ZP2: variants seen among roughly 807,000 people sequenced by gnomAD.
ZP2 encodes zona pellucida glycoprotein 2, also known as zona pellucida sperm-binding protein 2.
Under a neutral mutation model 84.0 loss-of-function variants are expected in ZP2, and 51 were observed. That is an observed-to-expected ratio of 0.61 (90% CI 0.49 to 0.77). ZP2 has a LOEUF of 0.77. Ranked by LOEUF, ZP2 falls within the 30% of genes least tolerant of loss-of-function variation. The pLI, the probability that ZP2 is intolerant of heterozygous loss-of-function variation, is 0.00. For synonymous variants in ZP2, 375 were observed against 330.9 expected (o/e 1.13, Z -1.45); for missense variants, 909 against 911.9 (o/e 1.00, Z 0.04).
At chr16:21,205,616 G>A (rs1460724003) in intron 6 of ZP2, 32 bp from the exon 7 acceptor site, 3 of 1,613,338 alleles carry the variant, frequency 1.9e-6, no homozygotes, top group African/African-American at 1.3e-5. Context: ...TAGAGGGCTG[G>A]TGCTCCCTTA....
In ZP2 at chr16:21,210,175, C is replaced by T; in HGVS notation, c.169G>A (p.Glu57Lys). 1 of 1,614,020 alleles carries T rather than the reference C, an allele frequency of 6.2e-7. No homozygotes were observed. Among genetic ancestry groups the T allele is most frequent in the Non-Finnish European group, 8.5e-7 (1 of 1,179,984 alleles). ...PAFPGTVTCD[E>K]REITVEFPSS... is the part of the protein sequence containing the mutation. ...GGGAACTCCACTGTTATTTCCCTTT[C>T]ATCGCAAGTGACAGTGCCTAAGGAG... Residue 57 changes from glutamate to lysine, a missense_variant, in exon 3 of 19, where the codon GAA becomes AAA. Coordinates refer to ENST00000574091, the MANE Select transcript of ZP2 (RefSeq NM_001376232.1).
intron 9 of ZP2, 32 bp downstream of exon 9, chr16:21,203,998 G>A (rs1463797874): frequency 9.3e-6 from 15 of 1,606,836 alleles, no homozygotes; most frequent in South Asian, 2.2e-5. Flanking sequence ...GTCAGGACCC[G>A]GTGGAGTTCA....
At chr16:21,208,402 T>C (rs534259197) in intron 4 of ZP2, among the ~76,000 whole-genome samples, 1 of 152,344 alleles carries the variant, frequency 6.6e-6, no homozygotes, top group African/African-American at 2.4e-5. Flanking sequence ...GGGGACCAGA[T>C]GACTTACAGT....
At chr16:21,207,031 A>T (rs780358494) in intron 4 of ZP2, 41 bp from the exon 5 acceptor site, 1 of 1,608,834 alleles carries the variant, frequency 6.2e-7, no homozygotes, top group South Asian at 1.1e-5. Context: ...TAAGTACTGT[A>T]CCCCCATGGG....
rs988774145 is a variant in ZP2 at position 21,202,360 on chromosome 16, A to G, written c.1100-69T>C. Reference sequence around the variant, plus strand: ...TGTGATACTGTCATCTCCCAACCTGATATGCTACGAGGGAGAAATTCTAAT... The same window carrying G: ...TGTGATACTGTCATCTCCCAACCTGGTATGCTACGAGGGAGAAATTCTAAT... On this transcript the variant is annotated intron_variant, in intron 10 of 18. Transcript: ENST00000574091. 2.2e-6 allele frequency: 3 copies of G among 1,347,536 alleles called. No individual in the cohort carries two copies. In the African/African-American group the frequency reaches 4.5e-5, roughly 20 times the overall value. The allele number at this position is 1,347,536 out of a possible 1,614,324, so 83.5% of individuals were successfully genotyped here. A position where few individuals can be genotyped will look rare whatever the true frequency, so the allele number is the denominator to read the frequency against.
At chr16:21,208,729 C>G (rs954713123) in intron 4 of ZP2, among the ~76,000 whole-genome samples, 3 of 152,202 alleles carry the variant, frequency 2.0e-5, no homozygotes, top group Non-Finnish European at 4.4e-5. Flanking sequence ...TATTTGCTAG[C>G]ACCAAAATAG....
intron 4 of ZP2, 48 bp from the exon 5 acceptor site, chr16:21,207,038 T>C (rs1567215785): frequency 1.2e-6 from 2 of 1,607,626 alleles, no homozygotes; most frequent in Non-Finnish European, 8.5e-7. Context: ...TGTACCCCCA[T>C]GGGATTCTAG....
intron 9 of ZP2, 61 bp from the exon 10 acceptor site, chr16:21,203,312 G>C (rs1028726356): frequency 8.6e-5 from 138 of 1,600,758 alleles, no homozygotes; most frequent in Non-Finnish European, 1.1e-4. Context: ...CCGTCACAGG[G>C]AGGCAGGAAG....
At chr16:21,211,746 C>T (rs992739121), upstream of ZP2, 4 of 1,480,006 alleles carry the variant, frequency 2.7e-6, no homozygotes, top group Non-Finnish European at 3.6e-6. Context: ...TGCCAGCTGC[C>T]CTGTGGGCCA....
chr16:21,210,045 G>T, intron 3 of ZP2, 64 bp downstream of exon 3: 1 of 1,458,128 alleles, frequency 6.9e-7, no homozygotes, highest in Non-Finnish European at 9.6e-7. Context: ...CCCCAAACAG[G>T]ATTGACCTAA....
chr16:21,211,620 C>A (rs2075521), upstream of ZP2: 716,868 of 1,609,834 alleles, frequency 0.45, 161,700 homozygotes, highest in East Asian at 0.57. Flanking sequence ...AAGCCAGCCG[C>A]ATCCACACCC....
In ZP2 at chr16:21,202,158, A is replaced by G; in HGVS notation, c.1233T>C (p.Ser411=). Residue 411 remains serine (S), a synonymous_variant, in exon 11 of 19, where the codon TCT becomes TCC. Coordinates refer to ENST00000574091, the MANE Select transcript of ZP2 (RefSeq NM_001376232.1). Reference sequence around the variant, plus strand: ...GTATGTGGAACCGTACCAGCCCCTGAGACTGAGCCTCAAAGACAGGCTGGC... The same window carrying G: ...GTATGTGGAACCGTACCAGCCCCTGGGACTGAGCCTCAAAGACAGGCTGGC... ...SSCQPVFEAQ[S]QGLVRFHIPL... 1 of 1,607,064 alleles carries G rather than the reference A, an allele frequency of 6.2e-7. No individual in the cohort carries two copies. Among genetic ancestry groups the G allele is most frequent in the Non-Finnish European group, 8.5e-7 (1 of 1,178,284 alleles).
chr16:21,199,016 G>A (rs530235814), intron 16 of ZP2, among the ~76,000 whole-genome samples, 154 bp from the exon 17 acceptor site: 1 of 152,288 alleles, frequency 6.6e-6, no homozygotes, highest in South Asian at 2.1e-4. Context: ...TACTGTAGAA[G>A]TGGGATGGAT....
chr16:21,203,294 G>A (rs2093234872), intron 9 of ZP2, 43 bp from the exon 10 acceptor site: 1 of 1,607,256 alleles, frequency 6.2e-7, no homozygotes, highest in South Asian at 1.1e-5. Context: ...GTCCGTTGGG[G>A]CCCGGAACCG....
intron 5 of ZP2, 99 bp from the exon 6 acceptor site, chr16:21,205,874 G>T (rs1269201402): frequency 8.6e-7 from 1 of 1,166,342 alleles, no homozygotes; most frequent in Non-Finnish European, 1.3e-6. Context: ...CAAAAGGCCT[G>T]CTGTGGGATG....
At chr16:21,198,081 A>G (rs916954684) in intron 17 of ZP2, 4 of 456,002 alleles carry the variant, frequency 8.8e-6, no homozygotes, top group Non-Finnish European at 1.2e-5. Context: ...CTATACAAGA[A>G]ATTCAAGAGG....
intron 11 of ZP2, 21 bp downstream of exon 11, chr16:21,202,083 G>T: frequency 1.2e-6 from 2 of 1,613,158 alleles, no homozygotes; most frequent in Non-Finnish European, 1.7e-6. Context: ...ACTTAACCTC[G>T]TGCCATCTGC....
At chr16:21,211,818 A>G, upstream of ZP2, 1 of 1,379,024 alleles carries the variant, frequency 7.3e-7, no homozygotes, top group Non-Finnish European at 9.4e-7. Flanking sequence ...TTTCCCTATA[A>G]CTATGGGGGA....
At chr16:21,210,433 T>C (rs534737025) in intron 2 of ZP2, among the ~76,000 whole-genome samples, 30 of 152,164 alleles carry the variant, frequency 2.0e-4, no homozygotes, top group African/African-American at 7.2e-4. Context: ...AGGTTAGGGT[T>C]GACAAGCAGG....
Sources: gnomAD v4.1 joint callset for allele counts (sites outside exome capture counted in the v4.1 genomes callset) on GRCh38, gnomAD v4.1.1 for gene constraint, MANE v1.5 for transcripts, NCBI Gene and HGNC (gene_info 2026-07-23, HGNC 2026-07-21) for gene names.